The following PTGR2 variants were observed in gnomAD, a reference collection of about 807,000 sequenced individuals.
PTGR2 encodes the protein prostaglandin reductase 2, also known as 15-oxoprostaglandin 13-reductase.
Under a neutral mutation model 43.4 loss-of-function variants are expected in PTGR2, and 32 were observed. The ratio of observed to expected loss-of-function variants is 0.74; its 90% confidence interval spans 0.56 to 0.99. The LOEUF is 0.99. Ranked by LOEUF, PTGR2 falls within the 50% of genes least tolerant of loss-of-function variation. PTGR2 has a pLI of 0.00. For missense variants in PTGR2, 373 were observed against 420.0 expected, an observed-to-expected ratio of 0.89 and a Z score of 0.98; for synonymous variants, 106 against 139.2, an observed-to-expected ratio of 0.76 and a Z score of 1.68.
At chr14:73,875,910 C>T (rs1284906281) in intron 4 of PTGR2, among the ~76,000 whole-genome samples, 1 of 150,410 alleles carries the variant, frequency 6.6e-6, no homozygotes, top group Admixed American at 6.7e-5. Context: ...CAACCTCCAC[C>T]TCCCAGGTTC....
At chr14:73,881,102 A>G in intron 7 of PTGR2, 103 bp from the exon 8 acceptor site, 1 of 708,470 alleles carries the variant, frequency 1.4e-6, no homozygotes, top group East Asian at 2.5e-5. Context: ...TTATGTCCTA[A>G]TATTTTAAGG....
intron 9 of PTGR2, 97 bp downstream of exon 9, chr14:73,882,535 C>T (rs2055014335): frequency 1.2e-6 from 1 of 854,790 alleles, no homozygotes; most frequent in African/African-American, 1.7e-5. Context: ...GAGTCTTGCT[C>T]TGTTGCCCAG....
chr14:73,871,318 A>G (rs1044108173), intron 3 of PTGR2, among the ~76,000 whole-genome samples: 2 of 109,678 alleles, frequency 1.8e-5, no homozygotes, highest in South Asian at 6.0e-4. Flanking sequence ...TACCCCATGC[A>G]TCTCTTCTAT....
intron 4 of PTGR2, among the ~76,000 whole-genome samples, chr14:73,875,825 T>C (rs915030497): frequency 5.5e-5 from 8 of 145,350 alleles, no homozygotes; most frequent in African/African-American, 1.8e-4. Flanking sequence ...AGTTTCTTTT[T>C]TTTTTTTTTT....
chr14:73,876,803 C>T (rs2054876353), intron 4 of PTGR2, among the ~76,000 whole-genome samples, 195 bp from the exon 5 acceptor site: 1 of 151,970 alleles, frequency 6.6e-6, no homozygotes, highest in South Asian at 2.1e-4. Context: ...TGGACTAGGA[C>T]CCCACCTTTA....
chr14:73,858,912 GATGA>G lies in PTGR2; in HGVS notation c.37+19_37+22del, dbSNP rs764577578. 1.2e-6 allele frequency: 2 copies of G among 1,603,796 alleles called. No individual in the cohort carries two copies. The highest frequency in any genetic ancestry group is 1.1e-5 in the South Asian group (1 of 90,538). The stretch of plus-strand genomic sequence containing the variant: ...AATTCTCGACCTGGTATGTATTTGC[GATGA>G]ATGAACAACTCTGATCTTTGATAAG... On this transcript the variant is annotated intron_variant, in intron 2 of 9. Transcript: ENST00000555661.
chr14:73,876,148 A>G (rs914984005), intron 4 of PTGR2, among the ~76,000 whole-genome samples: 5 of 152,120 alleles, frequency 3.3e-5, no homozygotes, highest in African/African-American at 1.2e-4. Flanking sequence ...AAGAGAAGTA[A>G]TATTGTTTTT....
intron 8 of PTGR2, 110 bp from the exon 9 acceptor site, chr14:73,882,289 A>G: frequency 1.5e-6 from 1 of 686,854 alleles, no homozygotes; most frequent in East Asian, 2.7e-5. Context: ...AAGAATATCT[A>G]TTTTTAGACA....
At chr14:73,864,051 C>G (rs1426023986) in intron 3 of PTGR2, among the ~76,000 whole-genome samples, 1 of 152,160 alleles carries the variant, frequency 6.6e-6, no homozygotes, top group African/African-American at 2.4e-5. Context: ...AGCTACTGTG[C>G]CTGGCATAAT....
intron 3 of PTGR2, among the ~76,000 whole-genome samples, chr14:73,865,396 A>G (rs2054578229): frequency 1.3e-5 from 2 of 152,106 alleles, no homozygotes; most frequent in Non-Finnish European, 2.9e-5. Flanking sequence ...TTTTTGTTCC[A>G]TCTGGGCTCC....
chr14:73,863,448 G>A (rs1006540109), intron 3 of PTGR2, among the ~76,000 whole-genome samples: 1 of 152,028 alleles, frequency 6.6e-6, no homozygotes, highest in South Asian at 2.1e-4. Flanking sequence ...TTGAGTAGCT[G>A]AGACCATAGG....
At chr14:73,869,609 G>A (rs2054679051) in intron 3 of PTGR2, among the ~76,000 whole-genome samples, 2 of 151,542 alleles carry the variant, frequency 1.3e-5, no homozygotes, top group South Asian at 2.1e-4. Flanking sequence ...AACAAAGTTC[G>A]TATTTATCAC....
chr14:73,862,129 G>A (rs990217494), intron 3 of PTGR2, among the ~76,000 whole-genome samples: 3 of 151,504 alleles, frequency 2.0e-5, no homozygotes, highest in African/African-American at 7.3e-5. Context: ...TTATGTAGAG[G>A]CTGATTATCT....
intron 1 of PTGR2, among the ~76,000 whole-genome samples, chr14:73,853,366 A>G (rs911819926): frequency 1.3e-5 from 2 of 150,988 alleles, no homozygotes; most frequent in African/African-American, 4.9e-5. Context: ...CTTGTCGCCC[A>G]TGCTGGAGTG....
At chr14:73,877,389 A>G (rs563123683) in intron 5 of PTGR2, 3 of 377,512 alleles carry the variant, frequency 7.9e-6, no homozygotes, top group African/African-American at 4.1e-5. Context: ...CTTAGCCTCT[A>G]GAGTAGCTGG....
At position 73,881,269 on chromosome 14, in the gene PTGR2, T is replaced by C. The variant is rs918604064; in HGVS notation, c.916T>C (p.Trp306Arg). 6 of 1,606,028 alleles carry C rather than the reference T, an allele frequency of 3.7e-6. No individual in the cohort carries two copies. The highest frequency in any genetic ancestry group is 5.1e-6 in the Non-Finnish European group (6 of 1,172,994). The change falls in exon 8 of 10, where the codon TGG becomes CGG. Residue 306 changes from tryptophan to arginine, a missense_variant. Transcript: ENST00000555661. ...GCCTGGCATTCTACAGCTGAGTCAG[T>C]GGTTTAAAGAAGGAAAGCTAAAGGT... ...FEPGILQLSQ[W>R]FKEGKLKIKE...
At chr14:73,874,264 C>T (rs1393011104) in intron 4 of PTGR2, 50 bp downstream of exon 4, 1 of 1,359,576 alleles carries the variant, frequency 7.4e-7, no homozygotes, top group African/African-American at 1.5e-5. Flanking sequence ...ATAATTCTTA[C>T]TTTGTGCATT....
intron 1 of PTGR2, among the ~76,000 whole-genome samples, chr14:73,857,238 GTT>G (rs200670094): frequency 6.9e-6 from 1 of 144,510 alleles, no homozygotes; most frequent in African/African-American, 2.6e-5. Context: ...AGGAATTTCC[GTT>G]TTTTTTTTTT....
intron 9 of PTGR2, among the ~76,000 whole-genome samples, chr14:73,883,687 T>C (rs1566644286): frequency 6.6e-6 from 1 of 152,086 alleles, no homozygotes; most frequent in Non-Finnish European, 1.5e-5. Context: ...GGTTTCACCA[T>C]GTTGGTCAGG....
Sources: gnomAD v4.1 joint callset for allele counts (sites outside exome capture counted in the v4.1 genomes callset) on GRCh38, gnomAD v4.1.1 for gene constraint, MANE v1.5 for transcripts, NCBI Gene and HGNC (gene_info 2026-07-23, HGNC 2026-07-21) for gene names.